Variants in CCDC178 observed in about 807,000 individuals in gnomAD.
CCDC178 encodes the protein coiled-coil domain-containing protein 178.
A neutral mutation model predicts 117.4 loss-of-function variants in CCDC178; 126 were observed. The ratio of observed to expected loss-of-function variants is 1.07; its 90% CI spans 0.93 to 1.24. CCDC178 has a LOEUF of 1.24. Ranked by LOEUF, CCDC178 falls within the 50% of genes most tolerant of loss-of-function variation. CCDC178 has a pLI of 0.00. For synonymous variants in CCDC178, 283 were observed against 313.4 expected (o/e 0.90, Z 1.02); for missense variants, 1,030 against 986.9 (o/e 1.04, Z -0.59).
chr18:33,346,590 C>T (rs1005410974), intron 8 of CCDC178, among the ~76,000 whole-genome samples, 179 bp from the exon 9 acceptor site: 1 of 151,786 alleles, frequency 6.6e-6, no homozygotes, highest in African/African-American at 2.4e-5. Flanking sequence ...TAATTATAAA[C>T]TTTGAAGACC....
intron 14 of CCDC178, 45 bp downstream of exon 14, chr18:33,266,871 A>T (rs2059822691): frequency 1.4e-6 from 2 of 1,434,298 alleles, no homozygotes; most frequent in Non-Finnish European, 1.9e-6. Context: ...TGTATTTAAC[A>T]TATTGGATTA....
rs963180337 is a variant in CCDC178 at position 33,147,141 on chromosome 18, CTTTTTTT to C, written c.2239-54238_2239-54232del. 2.0e-4 allele frequency among the ~76,000 whole-genome samples: 24 copies of C among 117,372 alleles called. No homozygotes were observed. In the South Asian group the frequency reaches 2.7e-3, roughly 13 times the overall value. 77.0% of individuals were successfully genotyped at this position (117,372 alleles called of 152,430 possible). ...TTAGGCATTATCTGGTAGCTGATTT[CTTTTTTT>C]TTTTTTTTTTTTGTAAGGAACAGAA... is the stretch of plus-strand genomic sequence containing the variant. On this transcript the variant is annotated intron_variant, in intron 20 of 22. Coordinates refer to ENST00000383096, the MANE Select transcript of CCDC178 (RefSeq NM_001105528.4).
Position 33,244,128 on chromosome 18 carries a change from C to T in CCDC178, c.1593+1117G>A, listed in dbSNP as rs528336482. Among the ~76,000 whole-genome samples, 38 of 152,044 alleles carry T rather than the reference C, an allele frequency of 2.5e-4. No individual in the cohort carries two copies. In the East Asian group the frequency reaches 2.7e-3, roughly 11 times the overall value. On this transcript the variant is annotated intron_variant, in intron 15 of 22. Coordinates refer to ENST00000383096, the MANE Select transcript of CCDC178 (RefSeq NM_001105528.4). ...GGAAAAACACCCCAATCTTTCAGTA[C>T]AGAAACATTTACACATCCGAAATTC...
intron 20 of CCDC178, among the ~76,000 whole-genome samples, chr18:33,155,259 C>A (rs971167200): frequency 2.0e-5 from 3 of 151,910 alleles, no homozygotes; most frequent in Admixed American, 6.6e-5. Context: ...TTCTAAATAT[C>A]TCATGGGTTA....
intron 12 of CCDC178, among the ~76,000 whole-genome samples, chr18:33,284,617 G>C (rs780143392): frequency 6.6e-6 from 1 of 152,088 alleles, no homozygotes; most frequent in Non-Finnish European, 1.5e-5. Flanking sequence ...ATTCGCTTGA[G>C]TATATTCTAA....
chr18:32,974,407 A>G, intron 22 of CCDC178, 140 bp downstream of exon 22: 1 of 717,104 alleles, frequency 1.4e-6, no homozygotes, highest in Non-Finnish European at 2.3e-6. Flanking sequence ...TTCATTCTTC[A>G]TGCAATTCCA....
chr18:33,033,736 T>C lies in CCDC178; in HGVS notation c.2388+59025A>G, dbSNP rs147293401. On this transcript the variant is annotated intron_variant, in intron 21 of 22. Transcript: ENST00000383096. ...ATCTTTTCCCTGTTTGTATTTCTCT[T>C]CTAATCCCACTTAATCTGTCTTTAT... 4.0e-3 allele frequency among the ~76,000 whole-genome samples: 609 copies of C among 152,138 alleles called. 2 individuals carry two copies. Among genetic ancestry groups the C allele is most frequent in the Non-Finnish European group, 7.0e-3 (473 of 67,958 alleles).
chr18:33,233,836 C>T (rs1250134188), intron 15 of CCDC178, among the ~76,000 whole-genome samples: 3 of 151,930 alleles, frequency 2.0e-5, no homozygotes, highest in African/African-American at 7.3e-5. Flanking sequence ...GCATAACCAG[C>T]CAGGATTTGA....
intron 3 of CCDC178, among the ~76,000 whole-genome samples, chr18:33,402,681 T>C (rs538703448): frequency 1.3e-5 from 2 of 152,240 alleles, no homozygotes; most frequent in Non-Finnish European, 2.9e-5. Context: ...ATTACACTTA[T>C]CTATTCAGTG....
chr18:33,293,147 T>A lies in CCDC178; in HGVS notation c.1176+12A>T, dbSNP rs751531320. On this transcript the variant is annotated intron_variant, in intron 12 of 22. Transcript: ENST00000383096. ...AAATCAGTATTTTTTATTTCTAATATGAAAAACTCACCATTTTTGATAGAG... is the reference window on the plus strand; with the variant it reads ...AAATCAGTATTTTTTATTTCTAATAAGAAAAACTCACCATTTTTGATAGAG... 39 of 1,518,978 alleles carry A rather than the reference T, an allele frequency of 2.6e-5. No homozygotes were observed. Among genetic ancestry groups the A allele is most frequent in the Non-Finnish European group, 3.3e-5 (37 of 1,118,514 alleles). 94.1% of individuals were successfully genotyped at this position (1,518,978 alleles called of 1,614,324 possible).
intron 22 of CCDC178, among the ~76,000 whole-genome samples, chr18:32,949,352 T>C (rs11663249): frequency 0.045 from 6,890 of 152,158 alleles, 204 homozygotes; most frequent in Middle Eastern, 0.082. Context: ...TTTATTTTCT[T>C]CTCTTTCATA....
chr18:33,020,190 C>T (rs981098017), intron 21 of CCDC178, among the ~76,000 whole-genome samples: 3 of 150,250 alleles, frequency 2.0e-5, no homozygotes, highest in East Asian at 2.0e-4. Context: ...AAACTCCTGG[C>T]CTGCCTCAGC....
rs2062609334 is a variant in CCDC178, at chr18:33,328,082, G to GTTTTTTTTTTTTTTTTTTTTTT, written c.880-4450_880-4449insAAAAAAAAAAAAAAAAAAAAAA. 9.9e-5 allele frequency: 24 copies of GTTTTTTTTTTTTTTTTTTTTTT among 242,060 alleles called. 7 individuals carry two copies. The highest frequency in any genetic ancestry group is 7.9e-4 in the African/African-American group (24 of 30,392). 15.0% of individuals were successfully genotyped at this position (242,060 alleles called of 1,614,324 possible). A position where few individuals can be genotyped will look rare whatever the true frequency, so the allele number is the denominator to read the frequency against. On this transcript the variant is annotated intron_variant, in intron 10 of 22. Coordinates refer to ENST00000383096, the MANE Select transcript of CCDC178 (RefSeq NM_001105528.4). ...CCAAGGTCATAAAGATTTATCCCTA[G>GTTTTTTTTTTTTTTTTTTTTTT]ATTTTTTTTTTTTTTTTTTTTTTTT...
chr18:33,237,418 G>A (rs1374358539), intron 15 of CCDC178, among the ~76,000 whole-genome samples: 1 of 152,134 alleles, frequency 6.6e-6, no homozygotes, highest in Non-Finnish European at 1.5e-5. Flanking sequence ...CTGCCCCTAG[G>A]CCAGCCAAGA....
rs1397820146 is a variant in CCDC178 at position 33,319,217 on chromosome 18, G to A, written c.1022+4274C>T. Among the ~76,000 whole-genome samples the A allele has an allele frequency of 2.0e-5, 3 of 151,470 alleles. No individual in the cohort carries two copies. The South Asian group carries it at 6.3e-4, about 32-fold the overall frequency. ...TCCCTCCACCTCATGACAGGCCCCA[G>A]TGTGTGATGTTCCCCTTCCTGTGTC... On this transcript the variant is annotated intron_variant, in intron 11 of 22. Coordinates refer to ENST00000383096, the MANE Select transcript of CCDC178 (RefSeq NM_001105528.4).
At chr18:33,110,593 A>C (rs907810162) in intron 20 of CCDC178, among the ~76,000 whole-genome samples, 1 of 151,658 alleles carries the variant, frequency 6.6e-6, no homozygotes, top group Non-Finnish European at 1.5e-5. Context: ...AAGTCAAGGT[A>C]TCTTTTTTAA....
chr18:33,245,959 A>C (rs2059544836), intron 14 of CCDC178, among the ~76,000 whole-genome samples: 1 of 151,886 alleles, frequency 6.6e-6, no homozygotes. Context: ...CAGTTGTAGC[A>C]GCCAAAAATG....
chr18:33,193,150 C>T (rs1195234263), intron 20 of CCDC178, among the ~76,000 whole-genome samples: 2 of 148,676 alleles, frequency 1.3e-5, no homozygotes, highest in African/African-American at 2.5e-5. Flanking sequence ...GTAGTCGCAG[C>T]TACCTGGGAG....
At chr18:33,392,240 A>G (rs73955122) in intron 4 of CCDC178, among the ~76,000 whole-genome samples, 2,376 of 152,246 alleles carry the variant, frequency 0.016, 60 homozygotes, top group African/African-American at 0.053. Flanking sequence ...GGGCTTGTTT[A>G]TAATAGAGCA....
Sources: gnomAD v4.1 joint callset for allele counts (sites outside exome capture counted in the v4.1 genomes callset) on GRCh38, gnomAD v4.1.1 for gene constraint, MANE v1.5 for transcripts, NCBI Gene and HGNC (gene_info 2026-07-23, HGNC 2026-07-21) for gene names.